The following ACBD6 variants were observed in gnomAD, a reference collection of about 807,000 sequenced individuals.
The protein encoded by ACBD6 is acyl-CoA-binding domain-containing protein 6.
In ACBD6, 28 loss-of-function variants were observed where a neutral mutation model predicts 37.2. That is an observed-to-expected ratio of 0.75 (90% CI 0.56 to 1.03). ACBD6 has a LOEUF of 1.03. ACBD6 is among the 50% of genes least tolerant of loss of function. The pLI is 0.00. For missense variants in ACBD6, 340 were observed against 337.4 expected, an observed-to-expected ratio of 1.01 and a Z score of -0.06; for synonymous variants, 113 against 126.8, an observed-to-expected ratio of 0.89 and a Z score of 0.73.
At chr1:180,395,167 A>T (rs1002202714) in intron 6 of ACBD6, among the ~76,000 whole-genome samples, 1 of 152,210 alleles carries the variant, frequency 6.6e-6, no homozygotes, top group Admixed American at 6.5e-5. Context: ...ATTATGATAC[A>T]TTCTCCTGGG....
Position 180,429,855 on chromosome 1 carries a change from G to A in ACBD6, c.467+325C>T, listed in dbSNP as rs557849755. Among the ~76,000 whole-genome samples the A allele has an allele frequency of 5.4e-4, 82 of 152,164 alleles. No homozygotes were observed. In the South Asian group the frequency reaches 8.1e-3, roughly 15 times the overall value. On this transcript the variant is annotated intron_variant, in intron 4 of 7. Coordinates refer to ENST00000367595, the MANE Select transcript of ACBD6 (RefSeq NM_032360.4). Reference sequence around the variant, plus strand: ...TCTTGTCCCACCAACTACTTGTGTGGGGAAAGTCATTGAATGAGACAGTCG... The same window carrying A: ...TCTTGTCCCACCAACTACTTGTGTGAGGAAAGTCATTGAATGAGACAGTCG...
chr1:180,313,821 C>T (rs1008109035), intron 7 of ACBD6, among the ~76,000 whole-genome samples: 4 of 152,046 alleles, frequency 2.6e-5, no homozygotes, highest in African/African-American at 4.8e-5. Context: ...TGCACCACTG[C>T]GCCCAACTCT....
chr1:180,497,147 T>C (rs936854831), intron 1 of ACBD6, among the ~76,000 whole-genome samples: 4 of 152,226 alleles, frequency 2.6e-5, no homozygotes, highest in African/African-American at 9.6e-5. Context: ...CTTTAAGACA[T>C]AAAAATAGCA....
At chr1:180,357,664 G>A (rs1652680253) in intron 6 of ACBD6, among the ~76,000 whole-genome samples, 2 of 152,204 alleles carry the variant, frequency 1.3e-5, no homozygotes. Context: ...TCTATCACCA[G>A]CACACATCAA....
At chr1:180,463,588 C>A (rs1175926562) in intron 3 of ACBD6, among the ~76,000 whole-genome samples, 9 of 152,020 alleles carry the variant, frequency 5.9e-5, no homozygotes, top group Admixed American at 3.3e-4. Flanking sequence ...AAAAAAAACC[C>A]AGGACCAGAC....
chr1:180,381,339 A>T (rs896527829), intron 6 of ACBD6, among the ~76,000 whole-genome samples: 1 of 152,238 alleles, frequency 6.6e-6, no homozygotes, highest in Admixed American at 6.5e-5. Flanking sequence ...GAAATACTGG[A>T]TTTAAACTGC....
intron 4 of ACBD6, among the ~76,000 whole-genome samples, chr1:180,426,411 T>C (rs1420416922): frequency 6.6e-6 from 1 of 152,198 alleles, no homozygotes; most frequent in Non-Finnish European, 1.5e-5. Flanking sequence ...TTCTTGTATA[T>C]GTAGTGCAGA....
At chr1:180,418,235 G>GA (rs976569754) in intron 4 of ACBD6, among the ~76,000 whole-genome samples, 6 of 151,854 alleles carry the variant, frequency 4.0e-5, no homozygotes, top group Non-Finnish European at 7.4e-5. Context: ...TTTTCTCCCT[G>GA]AAAAAAAGAA....
At chr1:180,380,053 T>C (rs1056127301) in intron 6 of ACBD6, among the ~76,000 whole-genome samples, 3 of 152,022 alleles carry the variant, frequency 2.0e-5, no homozygotes, top group Non-Finnish European at 2.9e-5. Context: ...TTGAACCCAG[T>C]AGTTCGAGAC....
intron 6 of ACBD6, among the ~76,000 whole-genome samples, chr1:180,367,952 T>C (rs1378662120): frequency 6.6e-6 from 1 of 152,330 alleles, no homozygotes; most frequent in Non-Finnish European, 1.5e-5. Context: ...TTTTAGCTCT[T>C]TGAGGAACCG....
intron 4 of ACBD6, among the ~76,000 whole-genome samples, 166 bp downstream of exon 4, chr1:180,430,014 T>C (rs1648749874): frequency 6.6e-6 from 1 of 152,184 alleles, no homozygotes; most frequent in Non-Finnish European, 1.5e-5. Flanking sequence ...TGCTGGCAAA[T>C]ACCACCAAAT....
chr1:180,439,312 T>A (rs1333984435), intron 3 of ACBD6, among the ~76,000 whole-genome samples: 1 of 151,872 alleles, frequency 6.6e-6, no homozygotes, highest in Admixed American at 6.6e-5. Flanking sequence ...GGGCCGGGTG[T>A]GGGGGCTCAC....
At chr1:180,432,421 C>A (rs1168516796) in intron 3 of ACBD6, among the ~76,000 whole-genome samples, 1 of 151,826 alleles carries the variant, frequency 6.6e-6, no homozygotes, top group East Asian at 1.9e-4. Context: ...AAATAAGTTA[C>A]CCAATGAAAA....
chr1:180,319,568 C>T (rs1650971868), intron 6 of ACBD6, among the ~76,000 whole-genome samples: 2 of 152,144 alleles, frequency 1.3e-5, no homozygotes, highest in Non-Finnish European at 2.9e-5. Context: ...ACCATAGTCA[C>T]CCTGTTATGC....
intron 3 of ACBD6, among the ~76,000 whole-genome samples, chr1:180,442,259 T>C (rs1364106707): frequency 6.6e-6 from 1 of 151,922 alleles, no homozygotes; most frequent in Non-Finnish European, 1.5e-5. Context: ...CTTGGATCTA[T>C]GGGTTTATGG....
intron 3 of ACBD6, among the ~76,000 whole-genome samples, chr1:180,473,838 T>C (rs1319937855): frequency 6.6e-6 from 1 of 152,026 alleles, no homozygotes; most frequent in Non-Finnish European, 1.5e-5. Flanking sequence ...CACACACACA[T>C]AAACATACAA....
chr1:180,339,246 G>A (rs1010704453), intron 6 of ACBD6, among the ~76,000 whole-genome samples: 8 of 152,116 alleles, frequency 5.3e-5, no homozygotes, highest in Non-Finnish European at 1.0e-4. Flanking sequence ...GTTTACTGAG[G>A]CACTATTCAC....
intron 6 of ACBD6, among the ~76,000 whole-genome samples, chr1:180,396,349 T>G (rs1277551208): frequency 6.6e-6 from 1 of 152,140 alleles, no homozygotes; most frequent in Non-Finnish European, 1.5e-5. Flanking sequence ...ACCAAAACCT[T>G]AGGTTCTGGA....
chr1:180,457,774 T>C (rs1424653031), intron 3 of ACBD6, among the ~76,000 whole-genome samples: 3 of 151,320 alleles, frequency 2.0e-5, no homozygotes, highest in African/African-American at 7.3e-5. Context: ...AAAAGTCTAC[T>C]GTACCACAAA....
Sources: gnomAD v4.1 joint callset for allele counts (sites outside exome capture counted in the v4.1 genomes callset) on GRCh38, gnomAD v4.1.1 for gene constraint, MANE v1.5 for transcripts, NCBI Gene and HGNC (gene_info 2026-07-23, HGNC 2026-07-21) for gene names.